The following MMRN1 variants were observed in gnomAD, a reference collection of about 807,000 sequenced individuals.
MMRN1 encodes multimerin-1.
Under a neutral mutation model 100.7 loss-of-function variants are expected in MMRN1, and 94 were observed. That is an observed-to-expected ratio of 0.93 (90% CI 0.79 to 1.11). The LOEUF is 1.11. MMRN1 is among the 50% of genes least tolerant of loss of function. The pLI, the probability that MMRN1 is intolerant of heterozygous loss-of-function variation, is 0.00. For synonymous variants in MMRN1, 575 were observed against 505.0 expected (o/e 1.14, Z -1.86); for missense variants, 1,606 against 1,439.1 (o/e 1.12, Z -1.88).
At chr4:89,900,813 G>T (rs975700728) in intron 1 of MMRN1, among the ~76,000 whole-genome samples, 16 of 152,134 alleles carry the variant, frequency 1.1e-4, no homozygotes, top group African/African-American at 3.6e-4. Flanking sequence ...GAATGTGGAT[G>T]ATACTGAAAG....
intron 7 of MMRN1, among the ~76,000 whole-genome samples, chr4:89,952,161 G>T: frequency 6.6e-6 from 1 of 152,132 alleles, no homozygotes; most frequent in East Asian, 1.9e-4. Context: ...TTTAATACAT[G>T]CTTAGTAACA....
At position 89,914,981 on chromosome 4, in the gene MMRN1, A is replaced by G. The variant is rs554128985; in HGVS notation, c.850+2931A>G. Among the ~76,000 whole-genome samples the G allele has an allele frequency of 4.0e-5, 6 of 151,736 alleles. No homozygotes were observed. The South Asian group carries it at 6.2e-4, about 16-fold the overall frequency. On this transcript the variant is annotated intron_variant, in intron 3 of 7. Coordinates refer to ENST00000264790, the MANE Select transcript of MMRN1 (RefSeq NM_007351.3). ...CTTTATAGGAAAAAGGTATCTTATA[A>G]CATTCTGTTTTGTACTGCAGATATT...
intron 1 of MMRN1, among the ~76,000 whole-genome samples, chr4:89,900,366 T>A (rs1195018984): frequency 6.6e-6 from 1 of 152,098 alleles, no homozygotes; most frequent in African/African-American, 2.4e-5. Flanking sequence ...GGAAACTTTT[T>A]TTGCTCTTGC....
intron 6 of MMRN1, among the ~76,000 whole-genome samples, chr4:89,937,849 G>A (rs1333911291): frequency 6.6e-6 from 1 of 152,096 alleles, no homozygotes; most frequent in Non-Finnish European, 1.5e-5. Flanking sequence ...GAAGAAGCAT[G>A]TATTTGGGAA....
chr4:89,949,721 C>T (rs989491122), intron 6 of MMRN1, among the ~76,000 whole-genome samples: 2 of 152,142 alleles, frequency 1.3e-5, no homozygotes, highest in Non-Finnish European at 2.9e-5. Flanking sequence ...CAAGATAATT[C>T]TGATTAATTT....
At chr4:89,916,782 T>G (rs923100135) in intron 3 of MMRN1, among the ~76,000 whole-genome samples, 5 of 151,788 alleles carry the variant, frequency 3.3e-5, no homozygotes, top group African/African-American at 1.2e-4. Context: ...TTCAATCTAT[T>G]GATTATCTCC....
intron 6 of MMRN1, among the ~76,000 whole-genome samples, chr4:89,943,394 G>A (rs1367823461): frequency 6.6e-6 from 1 of 152,092 alleles, no homozygotes; most frequent in Non-Finnish European, 1.5e-5. Flanking sequence ...ATGTGAAATT[G>A]CAGATTTACC....
At position 89,911,917 on chromosome 4, in the gene MMRN1, T is replaced by C. The variant is rs772328802; in HGVS notation, c.744-27T>C. 9.7e-6 allele frequency: 14 copies of C among 1,438,100 alleles called. No individual in the cohort carries two copies. The East Asian group carries it at 3.0e-4, about 31-fold the overall frequency. The allele number at this position is 1,438,100 out of a possible 1,614,324, so 89.1% of individuals were successfully genotyped here. A position where few individuals can be genotyped will look rare whatever the true frequency, so the allele number is the denominator to read the frequency against. On this transcript the variant is annotated intron_variant, in intron 2 of 7. Transcript: ENST00000264790. ...AATTTAATGTGAAACAAATAATCGA[T>C]TTCCCTCCAATTGCTCAACTCTCTA...
intron 5 of MMRN1, among the ~76,000 whole-genome samples, chr4:89,931,398 A>T (rs2110626884): frequency 6.6e-6 from 1 of 152,228 alleles, no homozygotes; most frequent in Middle Eastern, 3.4e-3. Context: ...TAATCCTAGG[A>T]TGATCTTTCT....
chr4:89,879,588 G>T (rs1366375634), exon 1 of MMRN1: 1 of 152,088 alleles, frequency 6.6e-6, no homozygotes, highest in Non-Finnish European at 1.5e-5. Context: ...ATAACCACGG[G>T]CAAAGAATAT....
At chr4:89,947,961 T>C (rs1256821021) in intron 6 of MMRN1, among the ~76,000 whole-genome samples, 1 of 152,128 alleles carries the variant, frequency 6.6e-6, no homozygotes, top group Non-Finnish European at 1.5e-5. Flanking sequence ...CAAGTAATTC[T>C]CCTGCCTCAG....
upstream of MMRN1, chr4:89,894,637 G>A (rs1002490460): frequency 1.1e-4 from 20 of 185,570 alleles, no homozygotes; most frequent in African/African-American, 2.6e-4. Flanking sequence ...CGTGAAACCA[G>A]GGTGTGCTCA....
intron 1 of MMRN1, among the ~76,000 whole-genome samples, chr4:89,888,884 C>T (rs1720991827): frequency 6.6e-6 from 1 of 152,104 alleles, no homozygotes; most frequent in African/African-American, 2.4e-5. Flanking sequence ...TTGAAATTCT[C>T]TCTCTTATAC....
At chr4:89,904,074 G>A (rs72659404) in intron 1 of MMRN1, among the ~76,000 whole-genome samples, 12,879 of 151,386 alleles carry the variant, frequency 0.085, 997 homozygotes, top group East Asian at 0.3. Flanking sequence ...CAACTCTGAT[G>A]TTGCCAGAAA....
intron 1 of MMRN1, among the ~76,000 whole-genome samples, chr4:89,904,861 T>A (rs1044059834): frequency 6.6e-6 from 1 of 151,750 alleles, no homozygotes; most frequent in South Asian, 2.1e-4. Context: ...GACTTAATAA[T>A]TGAACCGTTA....
intron 3 of MMRN1, among the ~76,000 whole-genome samples, chr4:89,917,684 T>G (rs1346864221): frequency 1.3e-5 from 2 of 151,898 alleles, no homozygotes; most frequent in African/African-American, 4.8e-5. Context: ...GATGTCCTTG[T>G]CAGAGAGGTA....
chr4:89,924,050 C>A (rs1340646839), intron 4 of MMRN1, among the ~76,000 whole-genome samples: 7 of 152,140 alleles, frequency 4.6e-5, no homozygotes, highest in African/African-American at 1.7e-4. Context: ...AAGGGATAGA[C>A]AGTATTATTG....
intron 4 of MMRN1, among the ~76,000 whole-genome samples, chr4:89,925,177 C>T (rs1264565046): frequency 6.6e-6 from 1 of 151,396 alleles, no homozygotes; most frequent in East Asian, 1.9e-4. Flanking sequence ...AGGGTCTGCA[C>T]CCAGGCAGGA....
intron 5 of MMRN1, among the ~76,000 whole-genome samples, chr4:89,934,584 T>C (rs1396320690): frequency 3.9e-5 from 6 of 152,116 alleles, no homozygotes; most frequent in Admixed American, 1.3e-4. Context: ...TTTTAGTATG[T>C]TCTAGTATGT....
Sources: gnomAD v4.1 joint callset for allele counts (sites outside exome capture counted in the v4.1 genomes callset) on GRCh38, gnomAD v4.1.1 for gene constraint, MANE v1.5 for transcripts, NCBI Gene and HGNC (gene_info 2026-07-23, HGNC 2026-07-21) for gene names.